The following NPM1 variants were observed in gnomAD, a reference collection of about 807,000 sequenced individuals.
The protein encoded by NPM1 is nucleophosmin.
NPM1 carries 1 observed loss-of-function variant against 44.1 expected under a neutral mutation model. That is an observed-to-expected ratio of 0.02 (90% CI 0.01 to 0.11). NPM1 has a LOEUF of 0.11. Among genes scored for constraint, NPM1 ranks in the 10% least tolerant of loss-of-function variants. The probability of loss-of-function intolerance (pLI) is 1.00; values close to 1 mark genes in which losing one functional copy is unlikely to be tolerated. For missense variants in NPM1, 197 were observed against 347.8 expected, an observed-to-expected ratio of 0.57 and a Z score of 3.45; for synonymous variants, 126 against 111.8, an observed-to-expected ratio of 1.13 and a Z score of -0.80.
chr5:171,401,189 C>T (rs1247451401), intron 8 of NPM1, among the ~76,000 whole-genome samples: 1 of 151,944 alleles, frequency 6.6e-6, no homozygotes, highest in African/African-American at 2.4e-5. Context: ...GAAACCCTGT[C>T]TTTACTAAAA....
chr5:171,400,697 CGG>C, intron 7 of NPM1, 140 bp from the exon 8 acceptor site: 1 of 579,654 alleles, frequency 1.7e-6, no homozygotes, highest in Non-Finnish European at 3.1e-6. Context: ...CCACCTGCCT[CGG>C]CCTCCCAAAG....
chr5:171,398,936 T>C (rs1183255640), intron 6 of NPM1, among the ~76,000 whole-genome samples: 1 of 151,036 alleles, frequency 6.6e-6, no homozygotes, highest in African/African-American at 2.4e-5. Flanking sequence ...CTTGGCTCAC[T>C]GCAACCTCCG....
Position 171,410,515 on chromosome 5 carries a change from T to C in NPM1, c.847-12T>C, listed in dbSNP as rs1771772244. 3.2e-6 allele frequency: 5 copies of C among 1,551,422 alleles called. No homozygotes were observed. Among genetic ancestry groups the C allele is most frequent in the Non-Finnish European group, 4.3e-6 (5 of 1,150,116 alleles). On this transcript the variant is annotated splice_polypyrimidine_tract_variant and intron_variant, in intron 10 of 10. Transcript: ENST00000296930. ...TGGTTCCTTAACCACATTTCTTTTT[T>C]TTTTTTTCCAGGCTATTCAAGATCT... is the stretch of plus-strand genomic sequence containing the variant.
chr5:171,394,376 G>A (rs1483669301), intron 6 of NPM1, among the ~76,000 whole-genome samples: 1 of 152,052 alleles, frequency 6.6e-6, no homozygotes, highest in African/African-American at 2.4e-5. Flanking sequence ...GTTTCACCAC[G>A]TTGGCTAGGC....
chr5:171,392,212 A>G (rs1158089463), intron 4 of NPM1, among the ~76,000 whole-genome samples: 2 of 152,154 alleles, frequency 1.3e-5, no homozygotes, highest in African/African-American at 2.4e-5. Flanking sequence ...AAGTGCTAGT[A>G]TTACACGTGT....
rs762935997 is a variant in NPM1 at position 171,392,943 on chromosome 5, T to G, written c.489T>G (p.Asp163Glu). The change falls in exon 6 of 11, where the codon GAT (aspartate) becomes GAG (glutamate). Residue 163 changes from aspartate (D) to glutamate (E), a missense_variant. By Grantham distance (45) the Asp-to-Glu change is conservative. This residue lies in a region of NPM1 where 91 missense variants were observed against 94.0 expected (regional missense o/e 0.97). Transcript: ENST00000296930. Reference protein sequence around the residue: ...QKKVKLAADEDDDDDDEEDDD... With the variant: ...QKKVKLAADEEDDDDDEEDDD... ...AAGTAAAACTTGCTGCTGATGAAGA[T>G]GATGACGATGATGATGAAGAGGATG... 2.3e-5 allele frequency: 37 copies of G among 1,609,246 alleles called. No homozygotes were observed. Among genetic ancestry groups the G allele is most frequent in the Non-Finnish European group, 2.9e-5 (34 of 1,175,754 alleles).
intron 2 of NPM1, among the ~76,000 whole-genome samples, chr5:171,390,382 G>A (rs1369023621): frequency 6.6e-6 from 1 of 152,118 alleles, no homozygotes; most frequent in Non-Finnish European, 1.5e-5. Context: ...GAATTACAAA[G>A]CCCTTGTAAA....
intron 6 of NPM1, 121 bp downstream of exon 6, chr5:171,393,099 G>A: frequency 7.7e-7 from 1 of 1,305,068 alleles, no homozygotes; most frequent in Non-Finnish European, 1.0e-6. Flanking sequence ...CTATGTAATA[G>A]TTTATAATAA....
chr5:171,400,357 C>G, intron 7 of NPM1, 147 bp downstream of exon 7: 2 of 898,856 alleles, frequency 2.2e-6, no homozygotes, highest in Non-Finnish European at 3.3e-6. Context: ...TTACAGAAAA[C>G]TTAAGAGTGG....
rs35747006 is a variant in NPM1 at position 171,387,928 on chromosome 5, C to G, written c.-21C>G. Reference sequence around the variant, plus strand: ...TATCTCCGTCCGCCTTCTCTCCTACCTAAGTGCGTGCCGCCACCCGATGGA... The same window carrying G: ...TATCTCCGTCCGCCTTCTCTCCTACGTAAGTGCGTGCCGCCACCCGATGGA... On this transcript the variant is annotated 5_prime_UTR_variant, in exon 1 of 11. Transcript: ENST00000296930. 2 of 1,609,718 alleles carry G rather than the reference C, an allele frequency of 1.2e-6. No homozygotes were observed. The highest frequency in any genetic ancestry group is 2.2e-4 in the Middle Eastern group (1 of 4,486).
At chr5:171,406,664 C>T in intron 9 of NPM1, 4 of 1,289,744 alleles carry the variant, frequency 3.1e-6, no homozygotes, top group Non-Finnish European at 3.9e-6. Context: ...TTTGCCTCAC[C>T]TGACAATGTT....
chr5:171,407,665 T>C (rs138722129), intron 9 of NPM1, 35 bp from the exon 10 acceptor site: 1 of 1,216,260 alleles, frequency 8.2e-7, no homozygotes, highest in Non-Finnish European at 1.2e-6. Flanking sequence ...GGTGTATTTC[T>C]CTACTTACCT....
chr5:171,409,064 C>T (rs1771701768), intron 10 of NPM1, among the ~76,000 whole-genome samples: 1 of 152,118 alleles, frequency 6.6e-6, no homozygotes, highest in African/African-American at 2.4e-5. Flanking sequence ...CCCATCTTTT[C>T]CTCCCAAAGT....
At chr5:171,403,866 AC>A (rs1339249406) in intron 8 of NPM1, among the ~76,000 whole-genome samples, 2 of 33,502 alleles carry the variant, frequency 6.0e-5, no homozygotes, top group African/African-American at 1.1e-4. Context: ...CGGAGGGCTG[AC>A]CCCCCCACCT....
intron 8 of NPM1, among the ~76,000 whole-genome samples, chr5:171,402,971 T>TCC (rs1561872960): frequency 8.6e-6 from 1 of 115,952 alleles, no homozygotes; most frequent in African/African-American, 3.5e-5. Flanking sequence ...TTTTTTCATT[T>TCC]TATTTATTTA....
chr5:171,402,284 C>G (rs527691653), intron 8 of NPM1, among the ~76,000 whole-genome samples: 2 of 150,810 alleles, frequency 1.3e-5, no homozygotes, highest in Non-Finnish European at 2.9e-5. Flanking sequence ...TAGAGAAATG[C>G]AAATCGAAAC....
intron 2 of NPM1, among the ~76,000 whole-genome samples, chr5:171,390,445 G>C (rs187781239): frequency 6.6e-6 from 1 of 152,280 alleles, no homozygotes; most frequent in East Asian, 1.9e-4. Flanking sequence ...GCTCAACTTA[G>C]AAGTTGCTCA....
chr5:171,403,051 C>CAG (rs999344540), intron 8 of NPM1, among the ~76,000 whole-genome samples: 6 of 105,428 alleles, frequency 5.7e-5, no homozygotes, highest in Non-Finnish European at 1.1e-4. Context: ...GTGTTTCTCA[C>CAG]AGAGGGGGAT....
In NPM1 at chr5:171,407,702, T is replaced by G. The variant is rs764108222; in HGVS notation, c.774T>G (p.Gly258=). The G allele has an allele frequency of 2.5e-6, 4 of 1,585,650 alleles. No homozygotes were observed. Among genetic ancestry groups the G allele is most frequent in the Admixed American group, 1.7e-5 (1 of 59,920 alleles). Residue 258 remains glycine (G), a splice_region_variant and synonymous_variant, in exon 10 of 11, where the codon GGT becomes GGG. Coordinates refer to ENST00000296930, the MANE Select transcript of NPM1 (RefSeq NM_002520.7). ...TAATAATGCTTTTGTCTTAATAGGGTGGTTCTCTTCCCAAAGTGGAAGCCA... is the reference window on the plus strand; with the variant it reads ...TAATAATGCTTTTGTCTTAATAGGGGGGTTCTCTTCCCAAAGTGGAAGCCA... ...KAKMQASIEK[G]GSLPKVEAKF...
Sources: gnomAD v4.1 joint callset for allele counts (sites outside exome capture counted in the v4.1 genomes callset) on GRCh38, gnomAD v4.1.1 for gene constraint, gnomAD v4.1.1 regional missense constraint, MANE v1.5 for transcripts, NCBI Gene and HGNC (gene_info 2026-07-23, HGNC 2026-07-21) for gene names.